TRPC7: variants seen among roughly 807,000 people sequenced by gnomAD.
The protein encoded by TRPC7 is short transient receptor potential channel 7.
In TRPC7, 42 loss-of-function variants were observed where a neutral mutation model predicts 90.1. The ratio of observed to expected loss-of-function variants is 0.47; its 90% CI spans 0.36 to 0.60. The LOEUF (loss-of-function observed/expected upper bound fraction) is 0.60. TRPC7 is among the 20% of genes least tolerant of loss of function. TRPC7 has a pLI of 0.00. For missense variants in TRPC7, 955 were observed against 1,112.3 expected (o/e 0.86, Z 2.01); for synonymous variants, 451 against 436.3 (o/e 1.03, Z -0.42).
intron 1 of TRPC7, among the ~76,000 whole-genome samples, chr5:136,358,155 C>T (rs2673928): frequency 0.22 from 32,813 of 151,926 alleles, 4,147 homozygotes; most frequent in East Asian, 0.34. Flanking sequence ...GGACTAGAAT[C>T]CTGTCACTTT....
At chr5:136,349,250 A>C (rs1282953392) in intron 2 of TRPC7, among the ~76,000 whole-genome samples, 1 of 152,178 alleles carries the variant, frequency 6.6e-6, no homozygotes, top group Non-Finnish European at 1.5e-5. Flanking sequence ...TCAATTGGAA[A>C]ATATTCCCTT....
At chr5:136,361,645 T>C (rs1158941332) in intron 1 of TRPC7, among the ~76,000 whole-genome samples, 2 of 152,204 alleles carry the variant, frequency 1.3e-5, no homozygotes, top group South Asian at 2.1e-4. Flanking sequence ...TTTTCTAAAA[T>C]GCTACATGCA....
intron 2 of TRPC7, among the ~76,000 whole-genome samples, chr5:136,321,080 T>G (rs1216851478): frequency 6.6e-6 from 1 of 152,192 alleles, no homozygotes; most frequent in African/African-American, 2.4e-5. Flanking sequence ...GTTACTTGTT[T>G]AATTAACTGG....
chr5:136,290,175 A>C (rs1352633986), intron 3 of TRPC7, among the ~76,000 whole-genome samples: 1 of 152,176 alleles, frequency 6.6e-6, no homozygotes, highest in Non-Finnish European at 1.5e-5. Flanking sequence ...AGGTAGATAA[A>C]ACCACAAAGA....
chr5:136,364,207 G>T (rs190179984), intron 1 of TRPC7, among the ~76,000 whole-genome samples: 53 of 152,288 alleles, frequency 3.5e-4, no homozygotes, highest in Non-Finnish European at 6.2e-4. Context: ...CCTCAATGAG[G>T]CTCCACATAG....
chr5:136,271,317 G>T (rs1442867040), intron 4 of TRPC7, among the ~76,000 whole-genome samples: 1 of 152,190 alleles, frequency 6.6e-6, no homozygotes, highest in Non-Finnish European at 1.5e-5. Context: ...ACAGGTAATA[G>T]ACAAGGTCAG....
chr5:136,348,877 G>A (rs1350964215), intron 2 of TRPC7, among the ~76,000 whole-genome samples: 1 of 152,134 alleles, frequency 6.6e-6, no homozygotes, highest in Non-Finnish European at 1.5e-5. Context: ...AATGTATATA[G>A]CATTGTAATT....
chr5:136,318,461 C>T (rs192800082), intron 2 of TRPC7, among the ~76,000 whole-genome samples: 60 of 152,260 alleles, frequency 3.9e-4, no homozygotes, highest in African/African-American at 1.0e-3. Flanking sequence ...GGCAGATCTA[C>T]GCTCTTCCTT....
intron 3 of TRPC7, among the ~76,000 whole-genome samples, chr5:136,285,527 T>C (rs1334530876): frequency 6.6e-6 from 1 of 152,234 alleles, no homozygotes; most frequent in Non-Finnish European, 1.5e-5. Context: ...AGTGTGGGTC[T>C]AATTTAATAT....
At chr5:136,244,879 C>A (rs935256501) in intron 7 of TRPC7, among the ~76,000 whole-genome samples, 2 of 152,144 alleles carry the variant, frequency 1.3e-5, no homozygotes, top group Non-Finnish European at 2.9e-5. Flanking sequence ...TAAGCTAGAC[C>A]ACTGCCCAGA....
At chr5:136,222,194 G>A (rs139122990) in intron 10 of TRPC7, 2 of 152,204 alleles carry the variant, frequency 1.3e-5, no homozygotes, top group African/African-American at 4.8e-5. Flanking sequence ...GTCTGAAGGA[G>A]CTGTCTTCCC....
At chr5:136,313,965 G>C (rs1758924898) in intron 3 of TRPC7, among the ~76,000 whole-genome samples, 1 of 152,144 alleles carries the variant, frequency 6.6e-6, no homozygotes, top group Non-Finnish European at 1.5e-5. Flanking sequence ...ATCAGGTGGG[G>C]GCCAGACTTC....
chr5:136,270,472 TTAAAA>T (rs1757173185), intron 4 of TRPC7, among the ~76,000 whole-genome samples: 1 of 152,178 alleles, frequency 6.6e-6, no homozygotes, highest in South Asian at 2.1e-4. Context: ...AAGTGGAATC[TTAAAA>T]TAAACTTCAC....
intron 10 of TRPC7, among the ~76,000 whole-genome samples, chr5:136,221,457 C>A (rs557262474): frequency 1.3e-5 from 2 of 152,256 alleles, no homozygotes; most frequent in Admixed American, 1.3e-4. Flanking sequence ...CCTCTGGCCG[C>A]TGATGGTGAA....
chr5:136,232,400 C>T (rs968238970), intron 7 of TRPC7, among the ~76,000 whole-genome samples: 2 of 152,210 alleles, frequency 1.3e-5, no homozygotes, highest in African/African-American at 4.8e-5. Flanking sequence ...GGCGGGCTCT[C>T]ATATGACCTC....
At chr5:136,365,033 G>C (rs1760678768) in intron 1 of TRPC7, among the ~76,000 whole-genome samples, 1 of 150,870 alleles carries the variant, frequency 6.6e-6, no homozygotes, top group South Asian at 2.1e-4. Context: ...TGAGTTGTCC[G>C]TTTCTAAATG....
At chr5:136,312,073 A>C (rs1397392192) in intron 3 of TRPC7, among the ~76,000 whole-genome samples, 1 of 152,158 alleles carries the variant, frequency 6.6e-6, no homozygotes, top group East Asian at 1.9e-4. Flanking sequence ...AAGTGACCAC[A>C]TTAATAAGTG....
intron 11 of TRPC7, among the ~76,000 whole-genome samples, chr5:136,215,809 T>G (rs1234321273): frequency 5.7e-5 from 7 of 122,774 alleles, no homozygotes; most frequent in South Asian, 2.6e-4. Flanking sequence ...GGCAACAGAG[T>G]GAGACTCCAT....
intron 5 of TRPC7, among the ~76,000 whole-genome samples, chr5:136,257,585 C>T (rs867814099): frequency 2.4e-4 from 36 of 151,940 alleles, no homozygotes; most frequent in Non-Finnish European, 8.8e-5. Flanking sequence ...ATTGGAATCC[C>T]CACAATAGGA....
Sources: gnomAD v4.1 joint callset for allele counts (sites outside exome capture counted in the v4.1 genomes callset) on GRCh38, gnomAD v4.1.1 for gene constraint, MANE v1.5 for transcripts, NCBI Gene and HGNC (gene_info 2026-07-23, HGNC 2026-07-21) for gene names.